SLC25A21: variants seen among roughly 807,000 people sequenced by gnomAD.
The protein encoded by SLC25A21 is mitochondrial 2-oxodicarboxylate carrier.
In SLC25A21, 47 loss-of-function variants were observed where a neutral mutation model predicts 43.8. That is an observed-to-expected ratio of 1.07 (90% CI 0.85 to 1.37). The LOEUF is 1.37. Ranked by LOEUF, SLC25A21 falls within the 40% of genes most tolerant of loss-of-function variation. The pLI is 0.00. For missense variants in SLC25A21, 352 were observed against 350.2 expected (o/e 1.00, Z -0.04); for synonymous variants, 131 against 121.3 (o/e 1.08, Z -0.52).
intron 2 of SLC25A21, among the ~76,000 whole-genome samples, chr14:36,823,581 TG>T (rs1888712340): frequency 6.6e-6 from 1 of 152,036 alleles, no homozygotes; most frequent in Non-Finnish European, 1.5e-5. Context: ...ATTTGGGAAA[TG>T]GGGGAAGGAT....
chr14:36,845,414 T>C (rs766225472), intron 2 of SLC25A21, among the ~76,000 whole-genome samples: 1 of 152,204 alleles, frequency 6.6e-6, no homozygotes, highest in Non-Finnish European at 1.5e-5. Flanking sequence ...CTTTATATCC[T>C]TGAGATTCAT....
At chr14:36,846,261 TGAGA>T (rs1889538367) in intron 2 of SLC25A21, among the ~76,000 whole-genome samples, 1 of 152,144 alleles carries the variant, frequency 6.6e-6, no homozygotes, top group African/African-American at 2.4e-5. Flanking sequence ...ATACGAAGCA[TGAGA>T]GAATGAGATA....
intron 2 of SLC25A21, among the ~76,000 whole-genome samples, chr14:36,848,065 G>C (rs1233539519): frequency 2.0e-5 from 3 of 152,064 alleles, no homozygotes; most frequent in African/African-American, 7.2e-5. Flanking sequence ...TGCAGTGAGG[G>C]GGAGGGAAAA....
intron 1 of SLC25A21, among the ~76,000 whole-genome samples, chr14:36,926,380 C>G (rs753377178): frequency 6.6e-6 from 1 of 151,350 alleles, no homozygotes; most frequent in Non-Finnish European, 1.5e-5. Flanking sequence ...AGACAGGTCA[C>G]AAGAAACATT....
chr14:36,925,995 C>A (rs1892121049), intron 1 of SLC25A21, among the ~76,000 whole-genome samples: 1 of 152,158 alleles, frequency 6.6e-6, no homozygotes, highest in Non-Finnish European at 1.5e-5. Context: ...TAACCATCAT[C>A]AACTAACTTG....
intron 1 of SLC25A21, among the ~76,000 whole-genome samples, chr14:36,910,319 G>C (rs1463376213): frequency 6.6e-6 from 1 of 152,122 alleles, no homozygotes; most frequent in Non-Finnish European, 1.5e-5. Flanking sequence ...AGCCTAGGGG[G>C]TTTTGAGTGT....
At chr14:36,779,411 TTA>T (rs1313524905) in intron 3 of SLC25A21, among the ~76,000 whole-genome samples, 1 of 144,658 alleles carries the variant, frequency 6.9e-6, no homozygotes. Flanking sequence ...AAACATATTC[TTA>T]TATATATAAA....
chr14:36,897,787 G>T (rs1205876787), intron 1 of SLC25A21, among the ~76,000 whole-genome samples: 2 of 152,206 alleles, frequency 1.3e-5, no homozygotes, highest in African/African-American at 4.8e-5. Context: ...GTTGGAGTTT[G>T]CTGGAGGTCC....
At chr14:37,034,809 C>T (rs756319734) in intron 1 of SLC25A21, among the ~76,000 whole-genome samples, 1 of 152,332 alleles carries the variant, frequency 6.6e-6, no homozygotes, top group Middle Eastern at 3.4e-3. Context: ...CAAAGGGGAG[C>T]TGTTGTTGAT....
At chr14:36,715,555 T>C (rs189253233) in intron 6 of SLC25A21, among the ~76,000 whole-genome samples, 7 of 152,352 alleles carry the variant, frequency 4.6e-5, no homozygotes, top group African/African-American at 7.2e-5. Context: ...TCATATTTAG[T>C]TACCAATTGT....
At chr14:37,123,600 A>T (rs1400657403) in intron 1 of SLC25A21, among the ~76,000 whole-genome samples, 1 of 152,188 alleles carries the variant, frequency 6.6e-6, no homozygotes, top group Non-Finnish European at 1.5e-5. Flanking sequence ...ACCTTCATTA[A>T]AAAATGGTAT....
intron 3 of SLC25A21, among the ~76,000 whole-genome samples, chr14:36,786,555 C>A (rs569299501): frequency 5.3e-5 from 8 of 152,212 alleles, no homozygotes; most frequent in South Asian, 4.1e-4. Flanking sequence ...AAATTCCCAG[C>A]GATGTTATTT....
At chr14:36,959,533 G>A (rs900878683) in intron 1 of SLC25A21, among the ~76,000 whole-genome samples, 8 of 152,256 alleles carry the variant, frequency 5.3e-5, no homozygotes, top group African/African-American at 1.9e-4. Context: ...CCTAGAGAGG[G>A]TAGGCTCTTC....
chr14:36,781,553 A>G (rs1201433912), intron 3 of SLC25A21, among the ~76,000 whole-genome samples: 1 of 152,200 alleles, frequency 6.6e-6, no homozygotes, highest in African/African-American at 2.4e-5. Context: ...AGTTATAACC[A>G]TATCAGTCAT....
At chr14:36,979,234 T>C (rs757145000) in intron 1 of SLC25A21, among the ~76,000 whole-genome samples, 136 of 152,086 alleles carry the variant, frequency 8.9e-4, no homozygotes, top group Non-Finnish European at 1.4e-3. Flanking sequence ...ATAGCTTATA[T>C]TCCTATATTG....
intron 1 of SLC25A21, among the ~76,000 whole-genome samples, chr14:36,989,503 A>AT (rs569204172): frequency 0.049 from 7,123 of 144,648 alleles, 358 homozygotes; most frequent in African/African-American, 0.13. Flanking sequence ...TAACTAAATC[A>AT]TTTTTTTTTT....
At chr14:36,873,725 G>T (rs574346901) in intron 2 of SLC25A21, among the ~76,000 whole-genome samples, 21 of 152,214 alleles carry the variant, frequency 1.4e-4, no homozygotes, top group African/African-American at 5.1e-4. Flanking sequence ...TGAGGTCTTT[G>T]GGGGGTGATT....
Position 37,095,767 on chromosome 14 carries a change from T to TA in SLC25A21, c.70+76513dup, listed in dbSNP as rs1212048569. On this transcript the variant is annotated intron_variant, in intron 1 of 9. Transcript: ENST00000331299. ...TTAGCCAAGTGAGATATCCTGTCTT[T>TA]AAAAAAATGTATATATGTATATATA... 2.7e-5 allele frequency among the ~76,000 whole-genome samples: 4 copies of TA among 149,002 alleles called. No homozygotes were observed. In the South Asian group the frequency reaches 8.5e-4, roughly 32 times the overall value.
In SLC25A21 at chr14:36,680,503, C is replaced by T. The variant is rs1362260036; in HGVS notation, c.*155G>A. 14 of 1,276,222 alleles carry T rather than the reference C, an allele frequency of 1.1e-5. No homozygotes were observed. The Middle Eastern group carries it at 1.9e-3, about 175-fold the overall frequency. 79.1% of individuals were successfully genotyped at this position (1,276,222 alleles called of 1,614,324 possible). ...CAGCCAAAACTATAATCTCAAGTTG[C>T]CTATAGACATTTTTTAAAGTATTAA... On this transcript the variant is annotated 3_prime_UTR_variant, in exon 10 of 10. Coordinates refer to ENST00000331299, the MANE Select transcript of SLC25A21 (RefSeq NM_030631.4).
Sources: gnomAD v4.1 joint callset for allele counts (sites outside exome capture counted in the v4.1 genomes callset) on GRCh38, gnomAD v4.1.1 for gene constraint, MANE v1.5 for transcripts, NCBI Gene and HGNC (gene_info 2026-07-23, HGNC 2026-07-21) for gene names.